Variants in DEPTOR observed in about 807,000 individuals in gnomAD.
DEPTOR encodes the protein DEP domain containing MTOR interacting protein.
DEPTOR carries 41 observed loss-of-function variants against 41.6 expected under a neutral mutation model. The ratio of observed to expected loss-of-function variants is 0.98; its 90% CI spans 0.77 to 1.28. The LOEUF is 1.28. Among genes scored for constraint, DEPTOR ranks in the 50% most tolerant of loss-of-function variants. The pLI is 0.00. For missense variants in DEPTOR, 514 were observed against 527.9 expected, an observed-to-expected ratio of 0.97 and a Z score of 0.26; for synonymous variants, 195 against 192.3, an observed-to-expected ratio of 1.01 and a Z score of -0.12.
At chr8:119,906,988 T>A (rs1309525275) in intron 1 of DEPTOR, among the ~76,000 whole-genome samples, 2 of 152,152 alleles carry the variant, frequency 1.3e-5, no homozygotes, top group Non-Finnish European at 2.9e-5. Context: ...ACTGTCAACA[T>A]GGTAAATAGC....
intron 4 of DEPTOR, among the ~76,000 whole-genome samples, chr8:119,971,104 CGCTT>C (rs1828628062): frequency 6.6e-6 from 1 of 151,870 alleles, no homozygotes; most frequent in Non-Finnish European, 1.5e-5. Context: ...TGGTGGCAGG[CGCTT>C]TGCAGTCCCA....
intron 1 of DEPTOR, among the ~76,000 whole-genome samples, chr8:119,888,858 C>CAA (rs34471575): frequency 0.028 from 1,779 of 63,584 alleles, 136 homozygotes; most frequent in African/African-American, 0.081. Flanking sequence ...TCTGTCTCAG[C>CAA]AAAAAAAAAA....
At chr8:119,947,602 C>T (rs1828299698) in intron 3 of DEPTOR, among the ~76,000 whole-genome samples, 1 of 152,164 alleles carries the variant, frequency 6.6e-6, no homozygotes, top group African/African-American at 2.4e-5. Flanking sequence ...GGTTTGTTTA[C>T]TTTGCTTCCT....
intron 1 of DEPTOR, among the ~76,000 whole-genome samples, chr8:119,886,664 A>G (rs933159808): frequency 6.6e-6 from 1 of 152,212 alleles, no homozygotes; most frequent in African/African-American, 2.4e-5. Context: ...CCACTAGTAC[A>G]TGTTGTTTTG....
intron 1 of DEPTOR, among the ~76,000 whole-genome samples, chr8:119,887,116 T>TC (rs1827375317): frequency 4.0e-4 from 4 of 9,892 alleles, no homozygotes; most frequent in African/African-American, 4.2e-4. Flanking sequence ...TCCCCTCCCC[T>TC]CCCCCTCCCC....
rs11395630 is a variant in DEPTOR at position 120,001,505 on chromosome 8, GT to G, written c.605-9del. 6,590 of 1,178,190 alleles carry G rather than the reference GT, an allele frequency of 5.6e-3. No individual in the cohort carries two copies. Among genetic ancestry groups the G allele is most frequent in the South Asian group, 0.014 (863 of 62,994 alleles). 73.0% of individuals were successfully genotyped at this position (1,178,190 alleles called of 1,614,324 possible). ...GGATGCCAGATAGTCCTCATTGGTT[GT>G]TTTTTTTTTTCTCCCCAGTGTCCAA... On this transcript the variant is annotated intron_variant, in intron 4 of 8. Transcript: ENST00000286234.
At chr8:120,027,578 G>A (rs1213357437) in intron 8 of DEPTOR, among the ~76,000 whole-genome samples, 1 of 151,668 alleles carries the variant, frequency 6.6e-6, no homozygotes, top group East Asian at 2.0e-4. Flanking sequence ...GGTGGTGCAT[G>A]CCTGTAATCC....
intron 1 of DEPTOR, among the ~76,000 whole-genome samples, chr8:119,923,223 G>GTATTTATTTATTTGTTTAT (rs1215523725): frequency 1.3e-5 from 2 of 151,846 alleles, no homozygotes; most frequent in African/African-American, 4.8e-5. Flanking sequence ...TCTATCTGCT[G>GTATTTATTTATTTGTTTAT]TATTTATTTA....
intron 1 of DEPTOR, among the ~76,000 whole-genome samples, chr8:119,875,089 T>C (rs1256191973): frequency 6.6e-6 from 1 of 152,174 alleles, no homozygotes; most frequent in African/African-American, 2.4e-5. Context: ...ATTGCACCTA[T>C]CGATTCTTTG....
At chr8:119,923,512 G>T (rs1018232249) in intron 1 of DEPTOR, among the ~76,000 whole-genome samples, 4 of 152,130 alleles carry the variant, frequency 2.6e-5, no homozygotes, top group African/African-American at 9.7e-5. Flanking sequence ...AAAGTCCTGA[G>T]ATTATACGTG....
chr8:119,959,158 C>CTTTTTTTTT (rs60202859), intron 3 of DEPTOR, among the ~76,000 whole-genome samples: 104 of 114,858 alleles, frequency 9.1e-4, no homozygotes, highest in South Asian at 2.2e-3. Context: ...TTCTTTCTTT[C>CTTTTTTTTT]TTTTTTTTTT....
intron 1 of DEPTOR, among the ~76,000 whole-genome samples, chr8:119,902,256 A>G (rs1240431221): frequency 6.6e-6 from 1 of 152,228 alleles, no homozygotes; most frequent in Non-Finnish European, 1.5e-5. Flanking sequence ...CTAAGTGGCA[A>G]AATAAATGGA....
At chr8:119,952,332 T>C (rs1387823333) in intron 3 of DEPTOR, among the ~76,000 whole-genome samples, 1 of 152,124 alleles carries the variant, frequency 6.6e-6, no homozygotes, top group Admixed American at 6.5e-5. Flanking sequence ...CACCTTCTGC[T>C]CTTTCCGTCA....
rs1274523197 is a variant in DEPTOR at position 120,027,705 on chromosome 8, C to CA, written c.1101+18584dup. 9.2e-3 allele frequency among the ~76,000 whole-genome samples: 1,220 copies of CA among 132,740 alleles called. 17 individuals are homozygous for CA. The highest frequency in any genetic ancestry group is 0.03 in the African/African-American group (1,095 of 36,088). 87.1% of individuals were successfully genotyped at this position (132,740 alleles called of 152,430 possible). A position where few individuals can be genotyped will look rare whatever the true frequency, so the allele number is the denominator to read the frequency against. ...GCGCAATGGGAGTGAGACTCCAGCT[C>CA]AAAAAAAAAAAAGAGTAAATTCTAA... is the stretch of plus-strand genomic sequence containing the variant. On this transcript the variant is annotated intron_variant, in intron 8 of 8. Coordinates refer to ENST00000286234, the MANE Select transcript of DEPTOR (RefSeq NM_022783.4).
chr8:119,873,968 G>A lies in DEPTOR; in HGVS notation c.122G>A (p.Arg41Gln). 1 of 1,613,612 alleles carries A rather than the reference G, an allele frequency of 6.2e-7. No individual in the cohort carries two copies. ...AEVLVTGEQLRLRLHEEKVIK... is the reference protein window; with the variant it reads ...AEVLVTGEQLQLRLHEEKVIK... ...GTCTTGGTCACCGGGGAACAGCTAC[G>A]GTAAGGCAAGAGACACAGCGGGTGA... The change falls in exon 1 of 9, where the codon CGG becomes CAG. Residue 41 changes from arginine to glutamine, a missense_variant and splice_region_variant. Arg to Gln is a conservative substitution (Grantham distance 43). Coordinates refer to ENST00000286234, the MANE Select transcript of DEPTOR (RefSeq NM_022783.4).
At chr8:119,932,883 C>T (rs1454356691) in intron 3 of DEPTOR, among the ~76,000 whole-genome samples, 1 of 151,946 alleles carries the variant, frequency 6.6e-6, no homozygotes, top group Non-Finnish European at 1.5e-5. Context: ...GCAAAGGGAA[C>T]GGTAAGGATA....
At chr8:119,939,087 A>G (rs1828167153) in intron 3 of DEPTOR, among the ~76,000 whole-genome samples, 1 of 152,152 alleles carries the variant, frequency 6.6e-6, no homozygotes, top group Non-Finnish European at 1.5e-5. Context: ...GAGACTACAT[A>G]AAGCAAACTC....
chr8:119,907,051 C>T (rs1204096890), intron 1 of DEPTOR, among the ~76,000 whole-genome samples: 1 of 152,110 alleles, frequency 6.6e-6, no homozygotes, highest in Non-Finnish European at 1.5e-5. Flanking sequence ...CACCGTGGCT[C>T]TTACTGGTGA....
chr8:119,974,079 A>G (rs894746352), intron 4 of DEPTOR, among the ~76,000 whole-genome samples: 2 of 151,972 alleles, frequency 1.3e-5, no homozygotes, highest in Non-Finnish European at 2.9e-5. Flanking sequence ...AAGGGGAAAA[A>G]GGGGAAGAGG....
Sources: allele counts gnomAD v4.1 joint callset (sites outside exome capture counted in the v4.1 genomes callset), GRCh38; gene constraint gnomAD v4.1.1; transcripts MANE v1.5; gene names NCBI Gene and HGNC (gene_info 2026-07-23, HGNC 2026-07-21).